Variants in DPP10 observed in about 807,000 individuals in gnomAD.
The protein encoded by DPP10 is inactive dipeptidyl peptidase 10.
Under a neutral mutation model 120.9 loss-of-function variants are expected in DPP10, and 33 were observed. The observed-to-expected ratio is 0.27, with a 90% CI of 0.21 to 0.37. The LOEUF (loss-of-function observed/expected upper bound fraction) is 0.37. Among genes scored for constraint, DPP10 ranks in the 10% least tolerant of loss-of-function variants. The pLI, the probability that DPP10 is intolerant of heterozygous loss-of-function variation, is 1.00. For synonymous variants in DPP10, 337 were observed against 326.1 expected (o/e 1.03, Z -0.36); for missense variants, 816 against 942.8 (o/e 0.87, Z 1.76).
At chr2:115,731,006 C>T (rs1407660172) in intron 8 of DPP10, among the ~76,000 whole-genome samples, 1 of 152,142 alleles carries the variant, frequency 6.6e-6, no homozygotes, top group Non-Finnish European at 1.5e-5. Context: ...GGGCAGATCA[C>T]TTGAGCCCAG....
intron 1 of DPP10, among the ~76,000 whole-genome samples, chr2:115,257,356 C>T (rs2059048145): frequency 6.6e-6 from 1 of 152,126 alleles, no homozygotes. Context: ...GTAATTGACT[C>T]ACAGTTCTGC....
intron 1 of DPP10, among the ~76,000 whole-genome samples, chr2:115,258,710 C>A (rs1448374199): frequency 1.3e-5 from 2 of 151,880 alleles, no homozygotes; most frequent in South Asian, 2.1e-4. Context: ...GAGCTTGAGA[C>A]CAGCCTGGAT....
intron 1 of DPP10, among the ~76,000 whole-genome samples, chr2:114,747,174 G>T (rs915845635): frequency 6.6e-6 from 1 of 152,142 alleles, no homozygotes; most frequent in South Asian, 2.1e-4. Context: ...TCCCATCCCC[G>T]GTTCTCCACA....
chr2:115,311,930 T>A (rs982357348), intron 2 of DPP10, among the ~76,000 whole-genome samples: 3 of 151,974 alleles, frequency 2.0e-5, no homozygotes, highest in South Asian at 2.1e-4. Context: ...GTTTTATTCT[T>A]ATTGTTATAG....
At chr2:115,445,467 C>G (rs1038980679) in intron 3 of DPP10, among the ~76,000 whole-genome samples, 9 of 152,116 alleles carry the variant, frequency 5.9e-5, no homozygotes, top group Non-Finnish European at 1.2e-4. Flanking sequence ...ACAATGAAGT[C>G]CAGGCTGAGG....
At chr2:115,502,749 G>C (rs1009358712) in intron 4 of DPP10, among the ~76,000 whole-genome samples, 1 of 152,146 alleles carries the variant, frequency 6.6e-6, no homozygotes, top group African/African-American at 2.4e-5. Flanking sequence ...CTGGGATGCA[G>C]TGGTGCAATC....
chr2:114,851,482 C>T (rs1027093431), intron 1 of DPP10, among the ~76,000 whole-genome samples: 1 of 152,166 alleles, frequency 6.6e-6, no homozygotes, highest in African/African-American at 2.4e-5. Context: ...TTGCTAATTT[C>T]ATTTACTCAA....
intron 3 of DPP10, among the ~76,000 whole-genome samples, chr2:115,479,895 A>G (rs1574968364): frequency 6.6e-6 from 1 of 152,178 alleles, no homozygotes; most frequent in East Asian, 1.9e-4. Flanking sequence ...TGAAAGAAGC[A>G]GTGGCATGCA....
At chr2:114,476,327 C>T (rs1425518445) in intron 1 of DPP10, among the ~76,000 whole-genome samples, 1 of 152,118 alleles carries the variant, frequency 6.6e-6, no homozygotes, top group African/African-American at 2.4e-5. Flanking sequence ...TATGACAATA[C>T]TCTGTGATAT....
chr2:114,860,418 C>T (rs17732131), intron 1 of DPP10, among the ~76,000 whole-genome samples: 56,348 of 152,036 alleles, frequency 0.37, 11,491 homozygotes, highest in South Asian at 0.49. Flanking sequence ...ACAGAATAAA[C>T]GCCTTTTCCA....
At chr2:114,553,223 T>C (rs1688027978) in intron 1 of DPP10, among the ~76,000 whole-genome samples, 1 of 152,256 alleles carries the variant, frequency 6.6e-6, no homozygotes, top group African/African-American at 2.4e-5. Flanking sequence ...GGCATTCGTC[T>C]CTTCCTCTTG....
chr2:115,496,361 G>A (rs1271472262), intron 3 of DPP10, among the ~76,000 whole-genome samples: 1 of 151,126 alleles, frequency 6.6e-6, no homozygotes, highest in Non-Finnish European at 1.5e-5. Flanking sequence ...AGATCTAAAG[G>A]TATTTACAAA....
chr2:115,036,536 A>G (rs1229229430), intron 1 of DPP10, among the ~76,000 whole-genome samples: 1 of 152,122 alleles, frequency 6.6e-6, no homozygotes, highest in Non-Finnish European at 1.5e-5. Context: ...TGATTATCGC[A>G]CCATTGTAAA....
intron 2 of DPP10, among the ~76,000 whole-genome samples, chr2:115,330,631 C>T (rs2062668007): frequency 6.6e-6 from 1 of 151,888 alleles, no homozygotes; most frequent in African/African-American, 2.4e-5. Flanking sequence ...AGGAAGGGAT[C>T]CAGTTTCAGC....
intron 1 of DPP10, among the ~76,000 whole-genome samples, chr2:114,773,883 AAAAT>A (rs1168046255): frequency 1.3e-5 from 2 of 152,238 alleles, no homozygotes; most frequent in South Asian, 2.1e-4. Flanking sequence ...AGTGAACAAA[AAAAT>A]AAATATATAC....
chr2:115,665,398 C>T lies in DPP10; in HGVS notation c.442-24289C>T, dbSNP rs556050863. Among the ~76,000 whole-genome samples, 9 of 152,150 alleles carry T rather than the reference C, an allele frequency of 5.9e-5. No individual in the cohort carries two copies. In the East Asian group the frequency reaches 1.7e-3, roughly 29 times the overall value. ...ATGAACAATTAAATTAATGACATTC[C>T]GTTTGGTCTACAGTCTGCCCAATTC... On this transcript the variant is annotated intron_variant, in intron 5 of 25. Coordinates refer to ENST00000410059, the MANE Select transcript of DPP10 (RefSeq NM_020868.6).
At chr2:114,922,605 C>A (rs1695277997) in intron 1 of DPP10, among the ~76,000 whole-genome samples, 2 of 152,174 alleles carry the variant, frequency 1.3e-5, no homozygotes, top group African/African-American at 4.8e-5. Flanking sequence ...AGCTACAGTG[C>A]CCAGCCTAGA....
intron 1 of DPP10, among the ~76,000 whole-genome samples, chr2:114,521,251 G>GACACAC (rs60539029): frequency 0.065 from 9,420 of 144,512 alleles, 329 homozygotes; most frequent in Middle Eastern, 0.08. Flanking sequence ...CACATGCACA[G>GACACAC]ACACACACAC....
chr2:115,276,195 G>T (rs2059915130), intron 1 of DPP10, among the ~76,000 whole-genome samples: 1 of 152,148 alleles, frequency 6.6e-6, no homozygotes, highest in African/African-American at 2.4e-5. Context: ...CAATTAGAGA[G>T]GGGAGTATAA....
Sources: allele counts gnomAD v4.1 joint callset (sites outside exome capture counted in the v4.1 genomes callset), GRCh38; gene constraint gnomAD v4.1.1; transcripts MANE v1.5; gene names NCBI Gene and HGNC (gene_info 2026-07-23, HGNC 2026-07-21).